ZNF345: variants seen among roughly 807,000 people sequenced by gnomAD.
ZNF345 encodes the protein zinc finger protein 345, also known as zinc finger protein HZF10.
For synonymous variants in ZNF345, 166 were observed against 187.9 expected, an observed-to-expected ratio of 0.88 and a Z score of 0.95; for missense variants, 527 against 589.9, an observed-to-expected ratio of 0.89 and a Z score of 1.10.
At chr19:36,884,903 T>C (rs1243057382) in intron 3 of ZNF345, among the ~76,000 whole-genome samples, 1 of 152,238 alleles carries the variant, frequency 6.6e-6, no homozygotes, top group Non-Finnish European at 1.5e-5. Context: ...ACTCATTCTT[T>C]CGTTGATGGG....
At chr19:36,865,315 G>A (rs1324492009) in intron 2 of ZNF345, among the ~76,000 whole-genome samples, 1 of 152,174 alleles carries the variant, frequency 6.6e-6, no homozygotes, top group Non-Finnish European at 1.5e-5. Context: ...GGTGAATAAA[G>A]GGTGAATTTG....
downstream of ZNF345, among the ~76,000 whole-genome samples, chr19:36,880,871 G>A (rs757432514): frequency 1.2e-4 from 18 of 152,160 alleles, no homozygotes; most frequent in Non-Finnish European, 2.2e-4. Context: ...GTGAGGACCT[G>A]TAATATACAG....
intron 3 of ZNF345, chr19:36,891,837 A>T: frequency 6.2e-7 from 1 of 1,614,130 alleles, no homozygotes; most frequent in African/African-American, 1.3e-5. Flanking sequence ...TCTCACCAGT[A>T]TGCATTCTCT....
At chr19:36,855,924 A>C (rs7251580) in intron 2 of ZNF345, among the ~76,000 whole-genome samples, 2,911 of 152,336 alleles carry the variant, frequency 0.019, 104 homozygotes, top group African/African-American at 0.066. Flanking sequence ...CACTAGCCTT[A>C]TCTCTCTGTA....
chr19:36,858,458 T>G (rs922037835), intron 2 of ZNF345: 2 of 152,150 alleles, frequency 1.3e-5, no homozygotes, highest in Non-Finnish European at 2.9e-5. Context: ...GTTCAAACTT[T>G]GGAATATTTA....
At chr19:36,871,894 A>G (rs1429883441) in intron 2 of ZNF345, among the ~76,000 whole-genome samples, 1 of 151,992 alleles carries the variant, frequency 6.6e-6, no homozygotes, top group Non-Finnish European at 1.5e-5. Flanking sequence ...CAGCCTCCCT[A>G]GTAGCTGGGA....
Position 36,877,504 on chromosome 19 carries a change from C to T in ZNF345, c.674C>T (p.Thr225Ile). The change falls in exon 3 of 3, where the codon ACT (threonine) becomes ATT (isoleucine). Residue 225 changes from threonine to isoleucine, a missense_variant. By Grantham distance (89) the Thr-to-Ile change is moderately conservative (BLOSUM62 -1). Coordinates refer to ENST00000420450, the MANE Select transcript of ZNF345 (RefSeq NM_001242472.2). ...CTTACTCAACATCGGCGGATTCATACTGGTGAGAAACCTTATGAATGCAAA... is the reference window on the plus strand; with the variant it reads ...CTTACTCAACATCGGCGGATTCATATTGGTGAGAAACCTTATGAATGCAAA... Reference protein sequence around the residue: ...SNLTQHRRIHTGEKPYECKAC... With the variant: ...SNLTQHRRIHIGEKPYECKAC... 6.2e-7 allele frequency: 1 copy of T among 1,614,186 alleles called. No homozygotes were observed. Among genetic ancestry groups the T allele is most frequent in the Non-Finnish European group, 8.5e-7 (1 of 1,180,022 alleles).
intron 1 of ZNF345, chr19:36,851,455 A>C (rs1043033589): frequency 6.6e-6 from 1 of 151,252 alleles, no homozygotes; most frequent in Non-Finnish European, 1.5e-5. Context: ...GTCCGTGTCT[A>C]CCCCCGTGGT....
At chr19:36,880,896 C>T (rs1406742536), downstream of ZNF345, among the ~76,000 whole-genome samples, 5 of 152,012 alleles carry the variant, frequency 3.3e-5, no homozygotes, top group African/African-American at 1.2e-4. Flanking sequence ...AATTTTATAG[C>T]TCTAAATTCA....
chr19:36,880,653 A>G (rs1018050035), downstream of ZNF345, among the ~76,000 whole-genome samples: 2 of 152,110 alleles, frequency 1.3e-5, no homozygotes, highest in Admixed American at 1.3e-4. Context: ...TGAGCCAGGC[A>G]TGGTGGCCTC....
chr19:36,884,603 A>G (rs2072986454), intron 3 of ZNF345, among the ~76,000 whole-genome samples: 1 of 152,156 alleles, frequency 6.6e-6, no homozygotes, highest in South Asian at 2.1e-4. Context: ...TACTGCCCAC[A>G]TAGCTGACCT....
intron 2 of ZNF345, among the ~76,000 whole-genome samples, chr19:36,869,310 CACAT>C (rs757123895): frequency 1.3e-5 from 2 of 152,084 alleles, no homozygotes; most frequent in African/African-American, 2.4e-5. Flanking sequence ...AGTAAAGAGA[CACAT>C]AGAGCAAGGT....
intron 3 of ZNF345, chr19:36,890,867 A>G (rs1455022246): frequency 4.6e-5 from 7 of 152,148 alleles, no homozygotes; most frequent in African/African-American, 1.7e-4. Flanking sequence ...AAATAAAATA[A>G]AATAAAATAA....
downstream of ZNF345, among the ~76,000 whole-genome samples, chr19:36,880,939 TAAAG>T (rs71760694): frequency 0.072 from 10,985 of 151,928 alleles, 968 homozygotes; most frequent in African/African-American, 0.21. Flanking sequence ...AAATTATAAA[TAAAG>T]AAACCAAGCA....
downstream of ZNF345, among the ~76,000 whole-genome samples, chr19:36,880,250 G>C (rs912571311): frequency 2.6e-5 from 4 of 152,068 alleles, no homozygotes; most frequent in Non-Finnish European, 5.9e-5. Flanking sequence ...AACCTGTGGA[G>C]GTTGCAGTGA....
chr19:36,891,683 GTT>G (rs1192691640), intron 3 of ZNF345: 6 of 1,613,634 alleles, frequency 3.7e-6, no homozygotes, highest in Non-Finnish European at 5.1e-6. Context: ...ATTCTCTGAT[GTT>G]GAATAAGTTC....
intron 3 of ZNF345, chr19:36,891,289 G>T: frequency 1.9e-6 from 1 of 513,586 alleles, no homozygotes; most frequent in Non-Finnish European, 3.2e-6. Flanking sequence ...CTTGAGTTTA[G>T]ATTTCCAGGC....
rs771168707 is a variant in ZNF345, at chr19:36,877,445, A to G, written c.615A>G (p.Ile205Met). ...CAGGTGAGAAACCTTATGAATGTAT[A>G]GATTGTGGTAAAGCCTTTGGCAGTG... ...IHTGEKPYEC[I>M]DCGKAFGSGS... The change falls in exon 3 of 3, where the codon ATA becomes ATG. Residue 205 changes from isoleucine to methionine, a missense_variant. Coordinates refer to ENST00000420450, the MANE Select transcript of ZNF345 (RefSeq NM_001242472.2). 10 of 1,613,624 alleles carry G rather than the reference A, an allele frequency of 6.2e-6. No individual in the cohort carries two copies. The East Asian group carries it at 8.9e-5, about 14-fold the overall frequency.
At chr19:36,887,199 A>AC (rs1396445469) in intron 3 of ZNF345, among the ~76,000 whole-genome samples, 9 of 151,150 alleles carry the variant, frequency 6.0e-5, no homozygotes, top group South Asian at 2.1e-4. Flanking sequence ...ACCACCACCA[A>AC]CAACAACAAA....
Sources: gnomAD v4.1 joint callset for allele counts (sites outside exome capture counted in the v4.1 genomes callset) on GRCh38, gnomAD v4.1.1 for gene constraint, MANE v1.5 for transcripts, NCBI Gene and HGNC (gene_info 2026-07-23, HGNC 2026-07-21) for gene names.